PCBP2: variants seen among roughly 807,000 people sequenced by gnomAD.
The protein encoded by PCBP2 is poly(rC) binding protein 2.
Under a neutral mutation model 50.1 loss-of-function variants are expected in PCBP2, and 4 were observed. That is an observed-to-expected ratio of 0.08 (90% CI 0.04 to 0.18). PCBP2 has a LOEUF of 0.18. Among genes scored for constraint, PCBP2 ranks in the 10% least tolerant of loss-of-function variants. The pLI, the probability that PCBP2 is intolerant of heterozygous loss-of-function variation, is 1.00. For synonymous variants in PCBP2, 179 were observed against 168.0 expected (o/e 1.07, Z -0.51); for missense variants, 161 against 474.3 (o/e 0.34, Z 6.14).
In PCBP2 at chr12:53,480,976, C is replaced by T. The variant is rs763211929; in HGVS notation, c.*1534C>T. On this transcript the variant is annotated 3_prime_UTR_variant, in exon 15 of 15. Coordinates refer to ENST00000546463, the MANE Select transcript of PCBP2 (RefSeq NM_031989.5). ...GGGCTTGCCCTTAGCCACAGCTCTA[C>T]GGCTGTGCCTCATTCATTTCCACAG... 40 of 183,098 alleles carry T rather than the reference C, an allele frequency of 2.2e-4. No individual in the cohort carries two copies. The highest frequency in any genetic ancestry group is 5.6e-4 in the East Asian group (4 of 7,180). The allele number at this position is 183,098 out of a possible 1,614,324, so 11.3% of individuals were successfully genotyped here. A position where few individuals can be genotyped will look rare whatever the true frequency, so the allele number is the denominator to read the frequency against.
chr12:53,478,329 G>A (rs1317699216), intron 14 of PCBP2, among the ~76,000 whole-genome samples: 1 of 152,088 alleles, frequency 6.6e-6, no homozygotes, highest in East Asian at 1.9e-4. Context: ...CCAACATGGT[G>A]AAACTCTGTC....
chr12:53,466,959 G>A (rs1415003309), intron 10 of PCBP2, among the ~76,000 whole-genome samples: 2 of 152,100 alleles, frequency 1.3e-5, no homozygotes, highest in African/African-American at 4.8e-5. Context: ...GGGGATGGTC[G>A]TTGGGCAAGT....
chr12:53,471,554 A>C, intron 13 of PCBP2, 84 bp from the exon 14 acceptor site: 1 of 1,232,740 alleles, frequency 8.1e-7, no homozygotes, highest in Non-Finnish European at 1.1e-6. Context: ...CCACAGTCGT[A>C]GGATTTGGGG....
chr12:53,472,888 CT>C (rs1212559814), intron 14 of PCBP2, among the ~76,000 whole-genome samples: 1 of 152,060 alleles, frequency 6.6e-6, no homozygotes, highest in East Asian at 1.9e-4. Context: ...GATTTGTTTT[CT>C]TGTCCACCCA....
chr12:53,466,884 CTG>C (rs1449687782), intron 10 of PCBP2, among the ~76,000 whole-genome samples: 6 of 152,094 alleles, frequency 3.9e-5, no homozygotes. Context: ...CCTAGCCTGT[CTG>C]TGCTTGTCCC....
intron 7 of PCBP2, among the ~76,000 whole-genome samples, chr12:53,461,950 C>T (rs1218587818): frequency 1.3e-5 from 2 of 152,104 alleles, no homozygotes; most frequent in East Asian, 3.9e-4. Context: ...CTCAAGCCAT[C>T]CACCCGCCTC....
At chr12:53,452,738 G>A (rs1457329291) in intron 1 of PCBP2, 3 of 151,950 alleles carry the variant, frequency 2.0e-5, no homozygotes, top group Non-Finnish European at 2.9e-5. Context: ...CCCCGCGGGG[G>A]TCAGGCGCTG....
In PCBP2 at chr12:53,480,081, G is replaced by GA. The variant is rs1942957673; in HGVS notation, c.*640dup. 6.6e-6 allele frequency: 1 copy of GA among 152,022 alleles called. No homozygotes were observed. The highest frequency in any genetic ancestry group is 1.5e-5 in the Non-Finnish European group (1 of 68,034). The allele number at this position is 152,022 out of a possible 1,614,324, so 9.4% of individuals were successfully genotyped here. A position where few individuals can be genotyped will look rare whatever the true frequency, so the allele number is the denominator to read the frequency against. The stretch of plus-strand genomic sequence containing the variant: ...TTCCGAGGACTTACCTGTCCTAGGG[G>GA]AGTAGGCAAGCACTTCCACTAGGGA... On this transcript the variant is annotated 3_prime_UTR_variant, in exon 15 of 15. Transcript: ENST00000546463.
intron 1 of PCBP2, among the ~76,000 whole-genome samples, chr12:53,453,832 A>G (rs1380149308): frequency 6.6e-6 from 1 of 152,216 alleles, no homozygotes; most frequent in Non-Finnish European, 1.5e-5. Flanking sequence ...TGTTAGGAAC[A>G]ATGTTAGGAA....
intron 14 of PCBP2, chr12:53,475,178 C>T (rs761519338): frequency 8.8e-6 from 4 of 456,450 alleles, no homozygotes; most frequent in South Asian, 3.1e-5. Context: ...GTGTAACTAA[C>T]AAACTGAAAG....
chr12:53,471,539 C>A, intron 13 of PCBP2, 99 bp from the exon 14 acceptor site: 1 of 1,179,084 alleles, frequency 8.5e-7, no homozygotes, highest in Non-Finnish European at 1.1e-6. Context: ...TGCACTCCAG[C>A]CTGGCCACAG....
At chr12:53,477,679 A>AC (rs1555209156) in intron 14 of PCBP2, among the ~76,000 whole-genome samples, 1 of 149,714 alleles carries the variant, frequency 6.7e-6, no homozygotes, top group Non-Finnish European at 1.5e-5. Context: ...AAAAAAAAAA[A>AC]AAAAAAAAAA....
chr12:53,477,149 C>G (rs1942641657), intron 14 of PCBP2, among the ~76,000 whole-genome samples: 1 of 152,170 alleles, frequency 6.6e-6, no homozygotes, highest in Admixed American at 6.5e-5. Context: ...CCCATTCGGG[C>G]TTGATACACA....
intron 5 of PCBP2, among the ~76,000 whole-genome samples, chr12:53,458,553 T>A (rs1941215621): frequency 6.6e-6 from 1 of 151,696 alleles, no homozygotes; most frequent in Admixed American, 6.6e-5. Flanking sequence ...GTGATCCACC[T>A]GCCTCGGCCT....
chr12:53,455,413 C>G (rs776807923), intron 3 of PCBP2, 43 bp downstream of exon 3: 2 of 1,613,456 alleles, frequency 1.2e-6, no homozygotes, highest in African/African-American at 1.3e-5. Flanking sequence ...TTTAGTAATT[C>G]TGGATTGAAG....
intron 1 of PCBP2, 33 bp from the exon 2 acceptor site, chr12:53,454,693 C>A: frequency 1.3e-6 from 1 of 752,764 alleles, no homozygotes; most frequent in Non-Finnish European, 2.4e-6. Flanking sequence ...TTGTTGTTTT[C>A]CTCCTCTGAT....
chr12:53,464,320 C>T (rs777001379), intron 8 of PCBP2: 2 of 145,130 alleles, frequency 1.4e-5, no homozygotes, highest in South Asian at 2.3e-4. Context: ...CACCCTCCCT[C>T]CCTCCCTCCC....
intron 13 of PCBP2, among the ~76,000 whole-genome samples, chr12:53,471,276 G>GTTT (rs869289440): frequency 2.1e-5 from 3 of 139,588 alleles, no homozygotes; most frequent in Non-Finnish European, 4.7e-5. Context: ...GAGACCCTCG[G>GTTT]TTTTTTTTTT....
At chr12:53,476,376 C>G (rs1942582364) in intron 14 of PCBP2, among the ~76,000 whole-genome samples, 1 of 152,194 alleles carries the variant, frequency 6.6e-6, no homozygotes, top group African/African-American at 2.4e-5. Context: ...TTATGAGTGA[C>G]TAGCCAGGAC....
Sources: allele counts gnomAD v4.1 joint callset (sites outside exome capture counted in the v4.1 genomes callset), GRCh38; gene constraint gnomAD v4.1.1; transcripts MANE v1.5; gene names NCBI Gene and HGNC (gene_info 2026-07-23, HGNC 2026-07-21).